SLC7A2: variants seen among roughly 807,000 people sequenced by gnomAD.
The protein encoded by SLC7A2 is solute carrier family 7 member 2.
Under a neutral mutation model 58.9 loss-of-function variants are expected in SLC7A2, and 48 were observed. The ratio of observed to expected loss-of-function variants is 0.82; its 90% CI spans 0.65 to 1.04. The LOEUF (loss-of-function observed/expected upper bound fraction) is 1.04. SLC7A2 is among the 50% of genes least tolerant of loss of function. The pLI, the probability that SLC7A2 is intolerant of heterozygous loss-of-function variation, is 0.00. For synonymous variants in SLC7A2, 363 were observed against 314.5 expected, an observed-to-expected ratio of 1.15 and a Z score of -1.63; for missense variants, 1,029 against 818.8, an observed-to-expected ratio of 1.26 and a Z score of -3.13.
chr8:17,523,000 A>T (rs1801077578), intron 2 of SLC7A2, among the ~76,000 whole-genome samples: 1 of 152,098 alleles, frequency 6.6e-6, no homozygotes, highest in Admixed American at 6.5e-5. Flanking sequence ...ACACCACTGC[A>T]CTCCAGCCAG....
intron 2 of SLC7A2, among the ~76,000 whole-genome samples, chr8:17,528,635 G>T (rs1487374640): frequency 3.3e-5 from 5 of 152,114 alleles, no homozygotes; most frequent in African/African-American, 4.8e-5. Context: ...GGGTTCTGAG[G>T]AAGTTAACTC....
rs1299154900 is a variant in SLC7A2, at chr8:17,524,893, T to G, written c.-22-18425T>G. 2.0e-5 allele frequency among the ~76,000 whole-genome samples: 3 copies of G among 152,140 alleles called. No homozygotes were observed. The East Asian group carries it at 5.8e-4, about 29-fold the overall frequency. Reference sequence around the variant, plus strand: ...TTAGCATACTTGATGAATTTCCCTGTGCTCACTTGCTGCTTATAGTGATAG... The same window carrying G: ...TTAGCATACTTGATGAATTTCCCTGGGCTCACTTGCTGCTTATAGTGATAG... On this transcript the variant is annotated intron_variant, in intron 2 of 12. Transcript: ENST00000494857.
At chr8:17,506,758 ATT>A (rs11443629) in intron 2 of SLC7A2, among the ~76,000 whole-genome samples, 3 of 148,074 alleles carry the variant, frequency 2.0e-5, no homozygotes, top group East Asian at 2.0e-4. Flanking sequence ...CTTCTGTGGA[ATT>A]TTTTTTTTTG....
At position 17,569,130 on chromosome 8, in the gene SLC7A2, G is replaced by T. The variant is rs185158480; in HGVS notation, c.*3984G>T. The T allele has an allele frequency of 1.3e-5, 2 of 152,098 alleles. No homozygotes were observed. The highest frequency in any genetic ancestry group is 4.8e-5 in the African/African-American group (2 of 41,420). 9.4% of individuals were successfully genotyped at this position (152,098 alleles called of 1,614,324 possible). A position where few individuals can be genotyped will look rare whatever the true frequency, so the allele number is the denominator to read the frequency against. ...TTGCCTTCCCTCCTCTTAAATCAGGGTGTGTTCCGAGATTACAGAACATCA... is the reference window on the plus strand; with the variant it reads ...TTGCCTTCCCTCCTCTTAAATCAGGTTGTGTTCCGAGATTACAGAACATCA... On this transcript the variant is annotated 3_prime_UTR_variant, in exon 13 of 13. Coordinates refer to ENST00000494857, the MANE Select transcript of SLC7A2 (RefSeq NM_001370338.1).
chr8:17,523,601 C>A (rs892218578), intron 2 of SLC7A2, among the ~76,000 whole-genome samples: 2 of 152,170 alleles, frequency 1.3e-5, no homozygotes, highest in Non-Finnish European at 2.9e-5. Flanking sequence ...TCAACTTATA[C>A]AAAAATTAGC....
intron 2 of SLC7A2, among the ~76,000 whole-genome samples, chr8:17,525,204 A>G (rs56035822): frequency 0.11 from 16,118 of 152,190 alleles, 984 homozygotes; most frequent in South Asian, 0.16. Flanking sequence ...TAGAAGGCCT[A>G]TCTTCATTAT....
intron 1 of SLC7A2, among the ~76,000 whole-genome samples, chr8:17,498,241 A>C (rs1343355159): frequency 6.6e-6 from 1 of 152,226 alleles, no homozygotes; most frequent in African/African-American, 2.4e-5. Context: ...ATATCGTCAG[A>C]TCTTATTCAA....
At chr8:17,498,598 C>T (rs1055262748) in intron 1 of SLC7A2, 1 of 152,194 alleles carries the variant, frequency 6.6e-6, no homozygotes. Flanking sequence ...TGGGAGGCCA[C>T]TTTATTGTGA....
intron 8 of SLC7A2, 148 bp from the exon 9 acceptor site, chr8:17,558,147 T>A (rs941066366): frequency 1.7e-6 from 1 of 585,364 alleles, no homozygotes; most frequent in Non-Finnish European, 3.1e-6. Context: ...TCTTATTAAC[T>A]GTGAGAGATA....
chr8:17,545,738 C>G (rs1802141265), intron 4 of SLC7A2, among the ~76,000 whole-genome samples: 1 of 152,080 alleles, frequency 6.6e-6, no homozygotes, highest in Admixed American at 6.5e-5. Flanking sequence ...TGCAGTCCTG[C>G]TTATGTCCAT....
rs529202616 is a variant in SLC7A2, at chr8:17,510,060, A to C, written c.-23+7758A>C. Among the ~76,000 whole-genome samples the C allele has an allele frequency of 3.3e-5, 5 of 152,078 alleles. No individual in the cohort carries two copies. In the South Asian group the frequency reaches 1.0e-3, roughly 32 times the overall value. On this transcript the variant is annotated intron_variant, in intron 2 of 12. Transcript: ENST00000494857. ...CATGATGAAACCACGTCTCTACTAA[A>C]CGTACGAAAATTAGCCGGGCGTGAT...
intron 2 of SLC7A2, among the ~76,000 whole-genome samples, chr8:17,507,249 T>C (rs1418367763): frequency 6.6e-6 from 1 of 152,190 alleles, no homozygotes; most frequent in East Asian, 1.9e-4. Flanking sequence ...CTGGCCTATG[T>C]GGAATTTTTA....
At chr8:17,516,886 C>G (rs1800825858) in intron 2 of SLC7A2, among the ~76,000 whole-genome samples, 1 of 152,154 alleles carries the variant, frequency 6.6e-6, no homozygotes, top group South Asian at 2.1e-4. Context: ...TGGGATAAAC[C>G]AGTGAACAGA....
chr8:17,544,412 C>A (rs200819310), intron 3 of SLC7A2, 39 bp from the exon 4 acceptor site: 4 of 1,588,074 alleles, frequency 2.5e-6, no homozygotes, highest in Non-Finnish European at 3.4e-6. Context: ...CTTTAATTTG[C>A]CCCCAGTGAC....
chr8:17,496,824 C>G (rs1054637373), upstream of SLC7A2, among the ~76,000 whole-genome samples: 4 of 152,124 alleles, frequency 2.6e-5, no homozygotes, highest in East Asian at 7.7e-4. Flanking sequence ...GAAGTTTATC[C>G]TCGCGCGCAG....
At chr8:17,557,059 G>A (rs1802740954) in intron 8 of SLC7A2, among the ~76,000 whole-genome samples, 1 of 152,154 alleles carries the variant, frequency 6.6e-6, no homozygotes, top group Admixed American at 6.5e-5. Context: ...GGATAATTCT[G>A]TTAGAAAAAC....
Position 17,558,372 on chromosome 8 carries a change from G to C in SLC7A2, c.1273G>C (p.Val425Leu). ...SIGTLMAYSL[V>L]AACVLILRYQ... ...TGGCACACTCATGGCCTACTCTCTG[G>C]TGGCAGCCTGTGTTCTCATCCTCAG... Residue 425 changes from valine to leucine, a missense_variant, in exon 9 of 13, where the codon GTG (valine) becomes CTG (leucine). Physicochemically the swap from Val to Leu is conservative, Grantham distance 32. Coordinates refer to ENST00000494857, the MANE Select transcript of SLC7A2 (RefSeq NM_001370338.1). 6.2e-7 allele frequency: 1 copy of C among 1,612,838 alleles called. No individual in the cohort carries two copies. Among genetic ancestry groups the C allele is most frequent in the Non-Finnish European group, 8.5e-7 (1 of 1,179,144 alleles).
chr8:17,544,416 C>T (rs1802066216), intron 3 of SLC7A2, 35 bp from the exon 4 acceptor site: 1 of 1,595,900 alleles, frequency 6.3e-7, no homozygotes, highest in African/African-American at 1.3e-5. Flanking sequence ...AATTTGCCCC[C>T]AGTGACTTCG....
chr8:17,506,429 A>G (rs1800365826), intron 2 of SLC7A2, among the ~76,000 whole-genome samples: 1 of 152,240 alleles, frequency 6.6e-6, no homozygotes, highest in South Asian at 2.1e-4. Flanking sequence ...TGTATTTTAA[A>G]GCGTAAACTT....
Sources: gnomAD v4.1 joint callset for allele counts (sites outside exome capture counted in the v4.1 genomes callset) on GRCh38, gnomAD v4.1.1 for gene constraint, MANE v1.5 for transcripts, NCBI Gene and HGNC (gene_info 2026-07-23, HGNC 2026-07-21) for gene names.